GABRB1: variants seen among roughly 807,000 people sequenced by gnomAD.
The protein encoded by GABRB1 is gamma-aminobutyric acid receptor subunit beta-1.
A neutral mutation model predicts 51.6 loss-of-function variants in GABRB1; 17 were observed. That is an observed-to-expected ratio of 0.33 (90% CI 0.23 to 0.49). The LOEUF (loss-of-function observed/expected upper bound fraction) is 0.49, where lower values mean the gene tolerates loss of function less well. Ranked by LOEUF, GABRB1 falls within the 20% of genes least tolerant of loss-of-function variation. The pLI, the probability that GABRB1 is intolerant of heterozygous loss-of-function variation, is 0.99. For missense variants in GABRB1, 410 were observed against 600.6 expected (o/e 0.68, Z 3.32); for synonymous variants, 247 against 218.9 (o/e 1.13, Z -1.14).
At chr4:47,080,910 G>A (rs1286823369) in intron 3 of GABRB1, among the ~76,000 whole-genome samples, 3 of 151,986 alleles carry the variant, frequency 2.0e-5, no homozygotes, top group Non-Finnish European at 4.4e-5. Flanking sequence ...ATGTCTTTTT[G>A]GATAAAACTG....
intron 8 of GABRB1, among the ~76,000 whole-genome samples, 163 bp from the exon 9 acceptor site, chr4:47,425,511 T>TAGATAGAC (rs1560380567): frequency 1.3e-5 from 2 of 151,094 alleles, no homozygotes; most frequent in South Asian, 2.1e-4. Flanking sequence ...GATAGATAGA[T>TAGATAGAC]AGATAGATCG....
At chr4:47,037,699 G>A (rs1725650627) in intron 3 of GABRB1, among the ~76,000 whole-genome samples, 1 of 152,044 alleles carries the variant, frequency 6.6e-6, no homozygotes, top group Non-Finnish European at 1.5e-5. Context: ...AAAATAAATA[G>A]TAACTTACTG....
chr4:47,134,054 G>T (rs1403155553), intron 3 of GABRB1, among the ~76,000 whole-genome samples: 1 of 152,158 alleles, frequency 6.6e-6, no homozygotes, highest in Non-Finnish European at 1.5e-5. Context: ...ACTTCAAAAT[G>T]ATTAGAGGGA....
Position 47,414,866 on chromosome 4 carries a change from A to G in GABRB1, c.1080+7940A>G, listed in dbSNP as rs575740807. ...GCTCTGTCTTTAGGTCCAGCTTGAA[A>G]CAGCTCCCTATCTGTCAGCCTTTGA... On this transcript the variant is annotated intron_variant, in intron 8 of 8. Coordinates refer to ENST00000295454, the MANE Select transcript of GABRB1 (RefSeq NM_000812.4). Among the ~76,000 whole-genome samples, 7 of 152,278 alleles carry G rather than the reference A, an allele frequency of 4.6e-5. No homozygotes were observed. The South Asian group carries it at 1.2e-3, about 27-fold the overall frequency.
At chr4:47,398,230 T>C (rs575995760) in intron 5 of GABRB1, among the ~76,000 whole-genome samples, 133 of 152,338 alleles carry the variant, frequency 8.7e-4, no homozygotes, top group Non-Finnish European at 1.4e-3. Flanking sequence ...AGTAATTTTA[T>C]ACCCCATTAC....
chr4:47,013,139 CTG>C (rs59902564), intron 1 of GABRB1, among the ~76,000 whole-genome samples: 14 of 149,106 alleles, frequency 9.4e-5, no homozygotes, highest in African/African-American at 1.7e-4. Context: ...AAATTGCATT[CTG>C]TGTGTGTGTG....
intron 4 of GABRB1, among the ~76,000 whole-genome samples, chr4:47,221,835 A>G (rs1720778385): frequency 6.6e-6 from 1 of 152,008 alleles, no homozygotes; most frequent in Non-Finnish European, 1.5e-5. Context: ...GTTCTACTTA[A>G]AGATGCCTGA....
intron 4 of GABRB1, among the ~76,000 whole-genome samples, chr4:47,161,899 C>T (rs759965649): frequency 3.9e-5 from 6 of 151,900 alleles, no homozygotes; most frequent in African/African-American, 7.3e-5. Context: ...AATCCAATTA[C>T]GGGTCAAAAT....
At chr4:47,210,513 C>T (rs1271996642) in intron 4 of GABRB1, among the ~76,000 whole-genome samples, 1 of 152,080 alleles carries the variant, frequency 6.6e-6, no homozygotes, top group Admixed American at 6.6e-5. Context: ...TACATCGTGG[C>T]ATTTCCCCTG....
chr4:47,228,168 C>T (rs919689287), intron 4 of GABRB1, among the ~76,000 whole-genome samples: 2 of 152,170 alleles, frequency 1.3e-5, no homozygotes, highest in Admixed American at 6.6e-5. Context: ...CCGTTGGAAT[C>T]AACCCATTCC....
chr4:47,397,306 A>G (rs1024033570), intron 5 of GABRB1, among the ~76,000 whole-genome samples: 1 of 152,208 alleles, frequency 6.6e-6, no homozygotes, highest in Non-Finnish European at 1.5e-5. Flanking sequence ...ACAATAGTTT[A>G]TGACATGAAA....
At chr4:47,374,758 T>A (rs540969611) in intron 5 of GABRB1, among the ~76,000 whole-genome samples, 4 of 152,218 alleles carry the variant, frequency 2.6e-5, no homozygotes, top group Non-Finnish European at 4.4e-5. Context: ...AAGGCAAGTT[T>A]TTTTTTCCCC....
chr4:47,280,409 T>G (rs1043145109), intron 4 of GABRB1, among the ~76,000 whole-genome samples: 1 of 151,570 alleles, frequency 6.6e-6, no homozygotes, highest in African/African-American at 2.4e-5. Flanking sequence ...ACTAGAGATA[T>G]AATTGATTTT....
chr4:47,398,232 C>T (rs909484043), intron 5 of GABRB1, among the ~76,000 whole-genome samples: 19 of 152,048 alleles, frequency 1.2e-4, no homozygotes, highest in Non-Finnish European at 2.8e-4. Context: ...TAATTTTATA[C>T]CCCATTACCC....
intron 3 of GABRB1, among the ~76,000 whole-genome samples, chr4:47,154,594 A>T (rs1483731676): frequency 6.6e-6 from 1 of 152,026 alleles, no homozygotes; most frequent in Non-Finnish European, 1.5e-5. Context: ...AGATTCTGAT[A>T]TGTGTGTTGA....
intron 1 of GABRB1, among the ~76,000 whole-genome samples, chr4:47,023,754 A>C (rs1725003209): frequency 6.6e-6 from 1 of 152,004 alleles, no homozygotes; most frequent in Admixed American, 6.6e-5. Flanking sequence ...TTGCATGACC[A>C]TATCAAACAT....
At chr4:47,196,671 T>C (rs1048172244) in intron 4 of GABRB1, among the ~76,000 whole-genome samples, 1 of 152,198 alleles carries the variant, frequency 6.6e-6, no homozygotes, top group African/African-American at 2.4e-5. Flanking sequence ...TTTAGACATG[T>C]TGTTAGAGTT....
At chr4:47,390,838 C>A (rs1384888279) in intron 5 of GABRB1, among the ~76,000 whole-genome samples, 3 of 152,164 alleles carry the variant, frequency 2.0e-5, no homozygotes, top group Admixed American at 2.0e-4. Flanking sequence ...TCCTTTGGAT[C>A]TAACTGCCAT....
intron 4 of GABRB1, among the ~76,000 whole-genome samples, chr4:47,224,754 C>T (rs1209442941): frequency 6.6e-6 from 1 of 152,108 alleles, no homozygotes; most frequent in African/African-American, 2.4e-5. Context: ...AGAGTCTTTG[C>T]CAATATATAA....
Sources: gnomAD v4.1 joint callset for allele counts (sites outside exome capture counted in the v4.1 genomes callset) on GRCh38, gnomAD v4.1.1 for gene constraint, MANE v1.5 for transcripts, NCBI Gene and HGNC (gene_info 2026-07-23, HGNC 2026-07-21) for gene names.